The following TEK variants were observed in gnomAD, a reference collection of about 807,000 sequenced individuals.
TEK encodes TEK receptor tyrosine kinase, also known as angiopoietin-1 receptor.
Under a neutral mutation model 131.8 loss-of-function variants are expected in TEK, and 43 were observed. The observed-to-expected ratio is 0.33, with a 90% CI of 0.26 to 0.42. The LOEUF (loss-of-function observed/expected upper bound fraction) is 0.42. Among genes scored for constraint, TEK ranks in the 10% least tolerant of loss-of-function variants. TEK has a pLI of 1.00. For missense variants in TEK, 1,162 were observed against 1,384.4 expected (o/e 0.84, Z 2.55); for synonymous variants, 580 against 491.6 (o/e 1.18, Z -2.38).
At chr9:27,114,285 A>C (rs1466952995) in intron 1 of TEK, among the ~76,000 whole-genome samples, 1 of 152,216 alleles carries the variant, frequency 6.6e-6, no homozygotes, top group Non-Finnish European at 1.5e-5. Flanking sequence ...TAATAATATT[A>C]CATTGGGCCA....
chr9:27,131,549 G>A lies in TEK; in HGVS notation c.52+21907G>A, dbSNP rs571353742. On this transcript the variant is annotated intron_variant, in intron 1 of 22. Coordinates refer to ENST00000380036, the MANE Select transcript of TEK (RefSeq NM_000459.5). ...AATATGAAACAGTATTTGGCCAGGC[G>A]TGGTAGCTCATGCCTGTAATCCCCG... is the stretch of plus-strand genomic sequence containing the variant. Among the ~76,000 whole-genome samples the A allele has an allele frequency of 1.9e-4, 28 of 151,286 alleles. No individual in the cohort carries two copies. In the East Asian group the frequency reaches 5.1e-3, roughly 27 times the overall value.
At position 27,204,926 on chromosome 9, in the gene TEK, G is replaced by C. The variant is rs181093425; in HGVS notation, c.2225G>C (p.Gly742Ala). 1 of 1,613,944 alleles carries C rather than the reference G, an allele frequency of 6.2e-7. No individual in the cohort carries two copies. The highest frequency in any genetic ancestry group is 1.3e-5 in the African/African-American group (1 of 75,022). Residue 742 changes from glycine to alanine, a missense_variant, in exon 14 of 23, where the codon GGA becomes GCA. Gly to Ala is a moderately conservative substitution (Grantham distance 60). Coordinates refer to ENST00000380036, the MANE Select transcript of TEK (RefSeq NM_000459.5). Reference sequence around the variant, plus strand: ...TCCTGCACAGCACCAGCGGACCTCGGAGGGGGGAAGATGCTGCTTATAGCC... The same window carrying C: ...TCCTGCACAGCACCAGCGGACCTCGCAGGGGGGAAGATGCTGCTTATAGCC... ...LPESQAPADL[G>A]GGKMLLIAIL...
chr9:27,215,667 T>C (rs1355217104), intron 18 of TEK, among the ~76,000 whole-genome samples: 1 of 151,922 alleles, frequency 6.6e-6, no homozygotes. Context: ...GATTAATATA[T>C]CCATCCCGTC....
intron 2 of TEK, among the ~76,000 whole-genome samples, chr9:27,163,342 A>G (rs1823613594): frequency 6.6e-6 from 1 of 152,136 alleles, no homozygotes; most frequent in South Asian, 2.1e-4. Flanking sequence ...GATATATACC[A>G]TGAGTGGGGC....
chr9:27,213,602 G>C lies in TEK; in HGVS notation c.2991+5G>C. The C allele has an allele frequency of 6.2e-7, 1 of 1,603,792 alleles. No individual in the cohort carries two copies. Among genetic ancestry groups the C allele is most frequent in the Non-Finnish European group, 8.5e-7 (1 of 1,170,688 alleles). ...GTGTATGTGAAAAAGACAATGGTAA[G>C]TGCCAGACACAGACACTGATCGCAT... is the stretch of plus-strand genomic sequence containing the variant. On this transcript the variant is annotated splice_donor_5th_base_variant and intron_variant, in intron 18 of 22. Coordinates refer to ENST00000380036, the MANE Select transcript of TEK (RefSeq NM_000459.5).
chr9:27,220,736 G>C (rs1047604429), intron 21 of TEK, among the ~76,000 whole-genome samples: 1 of 152,174 alleles, frequency 6.6e-6, no homozygotes, highest in Non-Finnish European at 1.5e-5. Context: ...ATGACGAATG[G>C]TGCATTCCAG....
At chr9:27,120,568 G>A (rs1408450462) in intron 1 of TEK, among the ~76,000 whole-genome samples, 1 of 152,232 alleles carries the variant, frequency 6.6e-6, no homozygotes, top group Non-Finnish European at 1.5e-5. Context: ...TGGCTGCAGC[G>A]ACAGAAGCCT....
At chr9:27,110,089 C>G (rs1277525887) in intron 1 of TEK, among the ~76,000 whole-genome samples, 3 of 151,190 alleles carry the variant, frequency 2.0e-5, no homozygotes, top group Non-Finnish European at 4.4e-5. Flanking sequence ...TAGATTGTCA[C>G]TGTTAAAAGG....
At chr9:27,144,478 A>G (rs1229776422) in intron 1 of TEK, among the ~76,000 whole-genome samples, 1 of 152,214 alleles carries the variant, frequency 6.6e-6, no homozygotes, top group African/African-American at 2.4e-5. Flanking sequence ...TCTCTTAACG[A>G]ATGCGCATAG....
At chr9:27,120,631 CGCAAATG>C (rs1238665185) in intron 1 of TEK, among the ~76,000 whole-genome samples, 1 of 152,198 alleles carries the variant, frequency 6.6e-6, no homozygotes, top group Non-Finnish European at 1.5e-5. Flanking sequence ...GAACTTCATC[CGCAAATG>C]AAAAGGGGAG....
chr9:27,158,235 C>T (rs1044541079), intron 2 of TEK, 93 bp downstream of exon 2: 36 of 1,397,156 alleles, frequency 2.6e-5, no homozygotes, highest in Non-Finnish European at 3.2e-5. Context: ...GCAGGGCATG[C>T]ACTACCTGAA....
intron 12 of TEK, 120 bp downstream of exon 12, chr9:27,197,719 G>T: frequency 7.9e-7 from 1 of 1,263,984 alleles, no homozygotes; most frequent in Non-Finnish European, 1.1e-6. Context: ...TGTGAGAGAA[G>T]GCTAATTAGT....
At chr9:27,221,185 C>T (rs1388996573) in intron 21 of TEK, among the ~76,000 whole-genome samples, 1 of 152,178 alleles carries the variant, frequency 6.6e-6, no homozygotes, top group Non-Finnish European at 1.5e-5. Flanking sequence ...CCCACCGCCG[C>T]TCCTCAAAGC....
intron 11 of TEK, among the ~76,000 whole-genome samples, chr9:27,194,192 T>A (rs1309961315): frequency 1.3e-5 from 2 of 152,204 alleles, no homozygotes; most frequent in African/African-American, 2.4e-5. Flanking sequence ...TTCACATATT[T>A]GCCTGTGTTT....
intron 4 of TEK, among the ~76,000 whole-genome samples, chr9:27,170,014 T>C (rs1310763354): frequency 6.6e-6 from 1 of 152,172 alleles, no homozygotes; most frequent in South Asian, 2.1e-4. Flanking sequence ...CAGTTCAATA[T>C]GGCTGGGGAG....
chr9:27,119,112 G>A (rs1821682441), intron 1 of TEK, among the ~76,000 whole-genome samples: 1 of 152,100 alleles, frequency 6.6e-6, no homozygotes, highest in Admixed American at 6.5e-5. Context: ...TCTATCCCTT[G>A]GAAGTGAATC....
intron 1 of TEK, among the ~76,000 whole-genome samples, chr9:27,146,720 ATTTTTTTTTT>A (rs34727945): frequency 8.8e-6 from 1 of 113,692 alleles, no homozygotes; most frequent in Non-Finnish European, 1.8e-5. Flanking sequence ...TAAACATTCT[ATTTTTTTTTT>A]TTTTTTTTTT....
intron 1 of TEK, among the ~76,000 whole-genome samples, chr9:27,144,840 C>G (rs1025494746): frequency 2.6e-5 from 4 of 152,156 alleles, no homozygotes; most frequent in Admixed American, 2.0e-4. Flanking sequence ...GAACCTAGAG[C>G]TCCTGTCCTG....
At chr9:27,211,495 C>A (rs1005348745) in intron 16 of TEK, among the ~76,000 whole-genome samples, 1 of 124,218 alleles carries the variant, frequency 8.1e-6, no homozygotes, top group African/African-American at 3.1e-5. Context: ...CTCTGTTGCC[C>A]AGTCTGGAGT....
Sources: allele counts gnomAD v4.1 joint callset (sites outside exome capture counted in the v4.1 genomes callset), GRCh38; gene constraint gnomAD v4.1.1; transcripts MANE v1.5; gene names NCBI Gene and HGNC (gene_info 2026-07-23, HGNC 2026-07-21).